PSD3: variants seen among roughly 807,000 people sequenced by gnomAD.
The protein encoded by PSD3 is PH and SEC7 domain-containing protein 3.
PSD3 carries 49 observed loss-of-function variants against 105.5 expected under a neutral mutation model. The ratio of observed to expected loss-of-function variants is 0.46; its 90% CI spans 0.37 to 0.59. The LOEUF is 0.59. Ranked by LOEUF, PSD3 falls within the 20% of genes least tolerant of loss-of-function variation. PSD3 has a pLI of 0.00. For missense variants in PSD3, 1,561 were observed against 1,263.8 expected, an observed-to-expected ratio of 1.24 and a Z score of -3.57; for synonymous variants, 557 against 457.8, an observed-to-expected ratio of 1.22 and a Z score of -2.77.
intron 9 of PSD3, chr8:18,684,003 C>T (rs1009992089): frequency 1.8e-5 from 13 of 707,584 alleles, no homozygotes; most frequent in African/African-American, 1.6e-4. Flanking sequence ...AAGGCTCTCA[C>T]GCTGGAGGAA....
intron 9 of PSD3, among the ~76,000 whole-genome samples, chr8:18,679,138 A>C (rs1177917933): frequency 6.6e-6 from 1 of 152,252 alleles, no homozygotes; most frequent in Non-Finnish European, 1.5e-5. Context: ...CTCTAGCCTT[A>C]GTCTAAAGAG....
intron 9 of PSD3, among the ~76,000 whole-genome samples, chr8:18,747,857 C>A (rs1463227869): frequency 2.6e-5 from 4 of 151,836 alleles, no homozygotes; most frequent in Non-Finnish European, 4.4e-5. Context: ...GACGAGTTTC[C>A]TTTTGCAGGC....
At chr8:18,644,879 G>A (rs942366621) in intron 10 of PSD3, among the ~76,000 whole-genome samples, 2 of 152,172 alleles carry the variant, frequency 1.3e-5, no homozygotes, top group Non-Finnish European at 2.9e-5. Flanking sequence ...ATTTCTTACA[G>A]TATTGGAGGC....
At chr8:18,809,950 T>C (rs1442376621) in intron 4 of PSD3, among the ~76,000 whole-genome samples, 1 of 152,212 alleles carries the variant, frequency 6.6e-6, no homozygotes, top group Non-Finnish European at 1.5e-5. Context: ...TGTGATAATG[T>C]AGCCACTTTA....
At chr8:18,903,186 C>T (rs1221488090) in intron 2 of PSD3, among the ~76,000 whole-genome samples, 1 of 152,140 alleles carries the variant, frequency 6.6e-6, no homozygotes, top group African/African-American at 2.4e-5. Flanking sequence ...TACAGTGAAG[C>T]ACTCACCCAA....
At chr8:19,011,399 C>G (rs986796330) in intron 1 of PSD3, among the ~76,000 whole-genome samples, 1 of 152,098 alleles carries the variant, frequency 6.6e-6, no homozygotes, top group Admixed American at 6.5e-5. Context: ...TGTAATGCCA[C>G]GCTAAATTCC....
chr8:18,557,702 G>A lies in PSD3; in HGVS notation c.2785-1350C>T, dbSNP rs112892028. ...ACTCCAAGAAGTCCCAGAAAAGGACGAAGGAGAAAAGAAACCTATTTTGAG... is the reference window on the plus strand; with the variant it reads ...ACTCCAAGAAGTCCCAGAAAAGGACAAAGGAGAAAAGAAACCTATTTTGAG... On this transcript the variant is annotated intron_variant, in intron 14 of 15. Coordinates refer to ENST00000327040, the MANE Select transcript of PSD3 (RefSeq NM_015310.4). Among the ~76,000 whole-genome samples the A allele has an allele frequency of 5.3e-3, 802 of 152,270 alleles. 4 individuals are homozygous for A. The highest frequency in any genetic ancestry group is 0.018 in the African/African-American group (736 of 41,548).
At chr8:18,704,183 G>C (rs1801755204) in intron 9 of PSD3, among the ~76,000 whole-genome samples, 2 of 152,082 alleles carry the variant, frequency 1.3e-5, no homozygotes, top group Non-Finnish European at 2.9e-5. Context: ...AAATGCCATA[G>C]CTTCACACAA....
chr8:18,651,028 G>C (rs925567394), intron 10 of PSD3, among the ~76,000 whole-genome samples: 3 of 152,066 alleles, frequency 2.0e-5, no homozygotes, highest in Non-Finnish European at 4.4e-5. Flanking sequence ...AACAACAATG[G>C]ACTACGTAAG....
intron 12 of PSD3, among the ~76,000 whole-genome samples, chr8:18,582,441 G>A (rs1802879825): frequency 6.6e-6 from 1 of 152,008 alleles, no homozygotes; most frequent in African/African-American, 2.4e-5. Flanking sequence ...CATTGCACAG[G>A]CTCCTCCTCC....
intron 1 of PSD3, among the ~76,000 whole-genome samples, chr8:19,029,231 C>G (rs1827672783): frequency 1.3e-5 from 2 of 152,158 alleles, no homozygotes; most frequent in Admixed American, 1.3e-4. Flanking sequence ...GGCACTGAAT[C>G]TGTAGGTCAG....
At chr8:18,661,542 T>C (rs1413613040) in intron 9 of PSD3, among the ~76,000 whole-genome samples, 3 of 152,194 alleles carry the variant, frequency 2.0e-5, no homozygotes, top group Non-Finnish European at 2.9e-5. Context: ...CTCTATGCCT[T>C]AAAATAATAT....
chr8:18,537,827 C>T (rs766479194), intron 15 of PSD3, among the ~76,000 whole-genome samples: 4 of 152,200 alleles, frequency 2.6e-5, no homozygotes, highest in Admixed American at 2.0e-4. Context: ...CAGGCGCACA[C>T]CACCACACCC....
chr8:18,871,304 T>C (rs1817331252), intron 3 of PSD3, among the ~76,000 whole-genome samples: 1 of 152,204 alleles, frequency 6.6e-6, no homozygotes, highest in Non-Finnish European at 1.5e-5. Flanking sequence ...GTTAGTTACC[T>C]TGACGTTGGG....
chr8:18,623,619 G>C (rs954401130), intron 11 of PSD3, among the ~76,000 whole-genome samples: 14 of 149,986 alleles, frequency 9.3e-5, no homozygotes, highest in African/African-American at 2.7e-4. Context: ...ACTCCAGCCT[G>C]GGTTACTGAG....
chr8:18,593,005 A>G (rs1444002890), intron 12 of PSD3, among the ~76,000 whole-genome samples: 1 of 152,234 alleles, frequency 6.6e-6, no homozygotes, highest in Non-Finnish European at 1.5e-5. Context: ...TGTTAGACCT[A>G]AAACCGTAAC....
intron 14 of PSD3, among the ~76,000 whole-genome samples, chr8:18,569,554 G>A (rs1455285162): frequency 5.2e-5 from 6 of 114,584 alleles, no homozygotes; most frequent in Non-Finnish European, 1.1e-4. Context: ...CAAGGGATGT[G>A]AAGGACCTCT....
intron 14 of PSD3, among the ~76,000 whole-genome samples, chr8:18,564,949 GAC>G (rs2130248867): frequency 6.6e-6 from 1 of 152,266 alleles, no homozygotes; most frequent in Non-Finnish European, 1.5e-5. Flanking sequence ...ACTTTTATAA[GAC>G]AATGGTTGGA....
intron 4 of PSD3, among the ~76,000 whole-genome samples, chr8:18,813,777 C>G (rs1447453817): frequency 6.6e-6 from 1 of 152,050 alleles, no homozygotes; most frequent in African/African-American, 2.4e-5. Context: ...AGGTTTTTAG[C>G]TATAAAACAG....
Sources: allele counts gnomAD v4.1 joint callset (sites outside exome capture counted in the v4.1 genomes callset), GRCh38; gene constraint gnomAD v4.1.1; transcripts MANE v1.5; gene names NCBI Gene and HGNC (gene_info 2026-07-23, HGNC 2026-07-21).